The following SLC28A2 variants were observed in gnomAD, a reference collection of about 807,000 sequenced individuals.
The protein encoded by SLC28A2 is sodium/nucleoside cotransporter 2.
In SLC28A2, 69 loss-of-function variants were observed where a neutral mutation model predicts 72.9. The ratio of observed to expected loss-of-function variants is 0.95; its 90% CI spans 0.78 to 1.16. The LOEUF (loss-of-function observed/expected upper bound fraction) is 1.16, where lower values mean the gene tolerates loss of function less well. Ranked by LOEUF, SLC28A2 falls within the 50% of genes most tolerant of loss-of-function variation. SLC28A2 has a pLI of 0.00. For missense variants in SLC28A2, 745 were observed against 791.1 expected, an observed-to-expected ratio of 0.94 and a Z score of 0.70; for synonymous variants, 296 against 294.1, an observed-to-expected ratio of 1.01 and a Z score of -0.07.
rs371796783 is a variant in SLC28A2, at chr15:45,267,436, G to C, written c.943-19G>C. The C allele has an allele frequency of 7.4e-6, 12 of 1,613,890 alleles. No homozygotes were observed. The African/African-American group carries it at 1.5e-4, about 20-fold the overall frequency. Reference sequence around the variant, plus strand: ...AGTTACACCTTCTTGGAATCTGACTGTTTTCTCCGTGTTTGTAGACAGAGG... The same window carrying C: ...AGTTACACCTTCTTGGAATCTGACTCTTTTCTCCGTGTTTGTAGACAGAGG... On this transcript the variant is annotated intron_variant, in intron 10 of 17. Coordinates refer to ENST00000347644, the MANE Select transcript of SLC28A2 (RefSeq NM_004212.4).
intron 8 of SLC28A2, 59 bp downstream of exon 8, chr15:45,265,225 G>T: frequency 8.6e-7 from 1 of 1,161,980 alleles, no homozygotes; most frequent in Non-Finnish European, 1.3e-6. Flanking sequence ...GAATAAAGCA[G>T]AGGATGAAAG....
intron 4 of SLC28A2, among the ~76,000 whole-genome samples, chr15:45,262,376 AG>A (rs1900188916): frequency 6.6e-6 from 1 of 152,062 alleles, no homozygotes; most frequent in Non-Finnish European, 1.5e-5. Context: ...TCCTTTTTTT[AG>A]TGGCTTGATT....
chr15:45,268,071 G>C (rs1278838842), intron 12 of SLC28A2, 139 bp from the exon 13 acceptor site: 1 of 801,884 alleles, frequency 1.2e-6, no homozygotes, highest in African/African-American at 1.7e-5. Flanking sequence ...CACTAATAGG[G>C]TCACTGAGGA....
chr15:45,267,940 T>C, intron 12 of SLC28A2, 144 bp downstream of exon 12: 1 of 1,116,406 alleles, frequency 9.0e-7, no homozygotes, highest in South Asian at 1.5e-5. Context: ...TTGCTAATCA[T>C]GCTGGTTTTC....
chr15:45,265,874 T>C (rs1900318199), intron 9 of SLC28A2, among the ~76,000 whole-genome samples: 1 of 152,172 alleles, frequency 6.6e-6, no homozygotes, highest in Non-Finnish European at 1.5e-5. Context: ...CCTTTGATAC[T>C]GAGTTTTAAT....
chr15:45,275,104 A>T (rs1900709603), intron 17 of SLC28A2, among the ~76,000 whole-genome samples: 1 of 152,188 alleles, frequency 6.6e-6, no homozygotes, highest in Admixed American at 6.5e-5. Context: ...TCAATTCAAT[A>T]CTAAATCATT....
intron 5 of SLC28A2, 119 bp from the exon 6 acceptor site, chr15:45,263,762 G>T: frequency 1.9e-5 from 17 of 885,404 alleles, no homozygotes; most frequent in African/African-American, 3.4e-5. Context: ...CTCTAACAAT[G>T]GCACATGCAT....
intron 4 of SLC28A2, among the ~76,000 whole-genome samples, chr15:45,262,731 A>G (rs894532771): frequency 2.0e-5 from 3 of 152,182 alleles, no homozygotes; most frequent in Admixed American, 2.0e-4. Context: ...TGACTTTTGA[A>G]GAGTCTAATG....
intron 4 of SLC28A2, among the ~76,000 whole-genome samples, chr15:45,262,333 T>C (rs1266110082): frequency 1.3e-5 from 2 of 152,212 alleles, no homozygotes; most frequent in Admixed American, 6.5e-5. Context: ...TACTATTTGA[T>C]GGATTTAAAA....
At chr15:45,272,224 G>T in intron 15 of SLC28A2, 71 bp from the exon 16 acceptor site, 1 of 1,182,256 alleles carries the variant, frequency 8.5e-7, no homozygotes, top group Non-Finnish European at 1.2e-6. Flanking sequence ...TCTTCTAAGT[G>T]GGGGCCCATG....
At chr15:45,265,735 C>T in intron 9 of SLC28A2, 72 bp downstream of exon 9, 2 of 1,019,834 alleles carry the variant, frequency 2.0e-6, no homozygotes, top group South Asian at 2.5e-5. Context: ...GAAAAATGCC[C>T]ATAGCTAAGG....
At chr15:45,256,562 C>T (rs1383354923) in intron 3 of SLC28A2, among the ~76,000 whole-genome samples, 3 of 151,860 alleles carry the variant, frequency 2.0e-5, no homozygotes, top group Non-Finnish European at 4.4e-5. Flanking sequence ...TGCTACCACA[C>T]CCAGCTAATT....
At chr15:45,272,254 G>A (rs1021009141) in intron 15 of SLC28A2, 41 bp from the exon 16 acceptor site, 2 of 1,553,768 alleles carry the variant, frequency 1.3e-6, no homozygotes, top group African/African-American at 2.7e-5. Flanking sequence ...TGATTGCCTT[G>A]GTGGGGAAAA....
chr15:45,253,165 A>C (rs1056046682), intron 1 of SLC28A2, 35 bp from the exon 2 acceptor site: 1 of 1,402,956 alleles, frequency 7.1e-7, no homozygotes, highest in African/African-American at 1.4e-5. Context: ...CAGAATGACC[A>C]ATCTTTCAGG....
At position 45,253,413 on chromosome 15, in the gene SLC28A2, A is replaced by G. The variant is rs369742592; in HGVS notation, c.82-19A>G. 1.7e-5 allele frequency: 28 copies of G among 1,606,720 alleles called. No individual in the cohort carries two copies. The highest frequency in any genetic ancestry group is 2.7e-5 in the African/African-American group (2 of 74,904). On this transcript the variant is annotated intron_variant, in intron 2 of 17. Coordinates refer to ENST00000347644, the MANE Select transcript of SLC28A2 (RefSeq NM_004212.4). ...TGGCAGGGCTCCATGACTGATCCCA[A>G]TGCTCTCTGTGCTTGTAGGAAAAAG...
At chr15:45,264,264 C>T (rs994133935) in intron 6 of SLC28A2, among the ~76,000 whole-genome samples, 6 of 151,510 alleles carry the variant, frequency 4.0e-5, no homozygotes, top group South Asian at 4.2e-4. Flanking sequence ...ACCAATTTTG[C>T]GAATCTAGGC....
chr15:45,256,712 TTTTC>T (rs990319020), intron 3 of SLC28A2, among the ~76,000 whole-genome samples: 14 of 152,142 alleles, frequency 9.2e-5, no homozygotes, highest in African/African-American at 3.4e-4. Flanking sequence ...GCCGGCCTAC[TTTTC>T]TTTATCAACT....
intron 14 of SLC28A2, among the ~76,000 whole-genome samples, chr15:45,269,938 T>A: frequency 6.6e-6 from 1 of 152,208 alleles, no homozygotes; most frequent in East Asian, 1.9e-4. Context: ...TCCTTCGCAA[T>A]CCTTCTCATT....
chr15:45,260,654 C>T (rs138941055), intron 3 of SLC28A2, among the ~76,000 whole-genome samples: 13,709 of 152,092 alleles, frequency 0.09, 733 homozygotes, highest in Middle Eastern at 0.23. Context: ...CCTAGCTACT[C>T]AGAAGGCTGA....
Sources: allele counts gnomAD v4.1 joint callset (sites outside exome capture counted in the v4.1 genomes callset), GRCh38; gene constraint gnomAD v4.1.1; transcripts MANE v1.5; gene names NCBI Gene and HGNC (gene_info 2026-07-23, HGNC 2026-07-21).